FEM1C: variants seen among roughly 807,000 people sequenced by gnomAD.
The protein encoded by FEM1C is fem-1 homolog C.
Under a neutral mutation model 37.6 loss-of-function variants are expected in FEM1C, and 15 were observed. The ratio of observed to expected loss-of-function variants is 0.40; its 90% CI spans 0.27 to 0.61. The LOEUF is 0.61. Ranked by LOEUF, FEM1C falls within the 20% of genes least tolerant of loss-of-function variation. The pLI is 0.42. For missense variants in FEM1C, 532 were observed against 749.7 expected (o/e 0.71, Z 3.39); for synonymous variants, 287 against 272.8 (o/e 1.05, Z -0.51).
intron 2 of FEM1C, 42 bp downstream of exon 2, chr5:115,542,908 A>G (rs770855189): frequency 1.3e-5 from 20 of 1,570,346 alleles, no homozygotes; most frequent in Non-Finnish European, 1.6e-5. Flanking sequence ...CTTCCTGAAA[A>G]TAAGTGGTAG....
intron 2 of FEM1C, among the ~76,000 whole-genome samples, chr5:115,538,229 C>T (rs1218682647): frequency 1.3e-5 from 2 of 151,940 alleles, no homozygotes; most frequent in African/African-American, 4.8e-5. Context: ...AATAATCTGT[C>T]TGAACTAGTT....
At chr5:115,534,420 A>T (rs566665942) in intron 2 of FEM1C, among the ~76,000 whole-genome samples, 1 of 152,114 alleles carries the variant, frequency 6.6e-6, no homozygotes, top group Admixed American at 6.6e-5. Flanking sequence ...TTTGAGGAAG[A>T]ACTAGTTAGA....
chr5:115,532,208 T>A (rs1266389576), intron 2 of FEM1C, among the ~76,000 whole-genome samples: 1 of 152,098 alleles, frequency 6.6e-6, no homozygotes, highest in African/African-American at 2.4e-5. Context: ...TACACTAGTA[T>A]AATGCTACTG....
chr5:115,535,579 T>C (rs1372425390), intron 2 of FEM1C, among the ~76,000 whole-genome samples: 3 of 151,774 alleles, frequency 2.0e-5, no homozygotes, highest in Non-Finnish European at 4.4e-5. Context: ...AATGGCTATA[T>C]TAAAAAAGAA....
chr5:115,529,053 A>G (rs1463710987), intron 2 of FEM1C, among the ~76,000 whole-genome samples: 1 of 152,112 alleles, frequency 6.6e-6, no homozygotes, highest in Non-Finnish European at 1.5e-5. Context: ...TAAGAGAAAG[A>G]GGGAACAACG....
intron 2 of FEM1C, among the ~76,000 whole-genome samples, chr5:115,538,309 CT>C (rs1199598393): frequency 6.6e-6 from 1 of 151,982 alleles, no homozygotes; most frequent in Non-Finnish European, 1.5e-5. Context: ...TTCTGAACCC[CT>C]ATATTCTACC....
chr5:115,535,301 A>T (rs1443215977), intron 2 of FEM1C, among the ~76,000 whole-genome samples: 2 of 151,000 alleles, frequency 1.3e-5, no homozygotes, highest in African/African-American at 4.9e-5. Context: ...AAAAAAAACA[A>T]ACACAGAATG....
rs1281230652 is a variant in FEM1C at position 115,543,242 on chromosome 5, A to T, written c.252T>A (p.Ala84=). The part of the protein sequence containing the change: ...VNFDGETIEG[A]PPLWAASAAG... ...CTGCAGAAGCGGCCCATAAAGGGGG[A>T]GCCCCCTCAATGGTTTCGCCATCAA... Residue 84 remains alanine, a synonymous_variant, in exon 2 of 3, where the codon GCT becomes GCA. Coordinates refer to ENST00000274457, the MANE Select transcript of FEM1C (RefSeq NM_020177.3). 6.2e-7 allele frequency: 1 copy of T among 1,613,994 alleles called. No homozygotes were observed. The highest frequency in any genetic ancestry group is 1.3e-5 in the African/African-American group (1 of 74,894).
intron 1 of FEM1C, chr5:115,544,074 A>C: frequency 1.0e-6 from 1 of 985,436 alleles, no homozygotes; most frequent in South Asian, 4.7e-5. Context: ...AGAGCTGGCC[A>C]AGGGCGCCAG....
In FEM1C at chr5:115,521,681, A is replaced by G. The variant is rs1753779010; in HGVS notation, c.*2627T>C. 6.6e-6 allele frequency: 1 copy of G among 151,882 alleles called. No homozygotes were observed. Among genetic ancestry groups the G allele is most frequent in the Non-Finnish European group, 1.5e-5 (1 of 67,834 alleles). The allele number at this position is 151,882 out of a possible 1,614,324, so 9.4% of individuals were successfully genotyped here. On this transcript the variant is annotated 3_prime_UTR_variant, in exon 3 of 3. Transcript: ENST00000274457. ...TCAATAACACCGTGCTACAGTGTAC[A>G]GTTTAGTTAGACTCAAGAGTGTAAT...
intron 2 of FEM1C, among the ~76,000 whole-genome samples, chr5:115,538,814 A>G (rs1353125779): frequency 3.3e-5 from 5 of 151,844 alleles, no homozygotes; most frequent in Non-Finnish European, 7.4e-5. Context: ...TCCTTATGCC[A>G]TTTCCTAAAC....
intron 2 of FEM1C, among the ~76,000 whole-genome samples, chr5:115,532,373 T>C (rs1244422841): frequency 6.6e-6 from 1 of 152,132 alleles, no homozygotes. Flanking sequence ...ATCTTAGCTT[T>C]TGCAGACAAA....
intron 2 of FEM1C, among the ~76,000 whole-genome samples, chr5:115,535,170 C>T (rs1192972973): frequency 1.3e-5 from 2 of 151,532 alleles, no homozygotes; most frequent in Admixed American, 6.6e-5. Flanking sequence ...GCAGTCTATT[C>T]CTAACAATTT....
At position 115,525,086 on chromosome 5, in the gene FEM1C, T is replaced by C. The variant is rs1320352610; in HGVS notation, c.1076A>G (p.Asn359Ser). 6.2e-7 allele frequency: 1 copy of C among 1,613,786 alleles called. No homozygotes were observed. The highest frequency in any genetic ancestry group is 8.5e-7 in the Non-Finnish European group (1 of 1,179,826). ...ADSGNFKRCI[N>S]LWKYALDMQQ... ...CATATCCAAAGCATACTTCCATAGGTTGATGCATCGTTTGAAATTTCCAGA... is the reference window on the plus strand; with the variant it reads ...CATATCCAAAGCATACTTCCATAGGCTGATGCATCGTTTGAAATTTCCAGA... Residue 359 changes from asparagine (N) to serine (S), a missense_variant, in exon 3 of 3, where the codon AAC (asparagine) becomes AGC (serine). Around this residue, in one of 3 missense-constraint regions of FEM1C, gnomAD observed 221 missense variants for 404.1 expected, o/e 0.55. Coordinates refer to ENST00000274457, the MANE Select transcript of FEM1C (RefSeq NM_020177.3).
chr5:115,543,794 A>G (rs980815707), intron 1 of FEM1C, 111 bp from the exon 2 acceptor site: 49 of 1,137,768 alleles, frequency 4.3e-5, no homozygotes, highest in Non-Finnish European at 5.0e-5. Flanking sequence ...TACTTCAGGC[A>G]CTACTCCATC....
At chr5:115,535,843 A>G (rs2127172967) in intron 2 of FEM1C, among the ~76,000 whole-genome samples, 1 of 152,188 alleles carries the variant, frequency 6.6e-6, no homozygotes, top group African/African-American at 2.4e-5. Context: ...CTGCTGAATG[A>G]ATAAAAGTGA....
At chr5:115,542,688 G>T (rs1011112042) in intron 2 of FEM1C, among the ~76,000 whole-genome samples, 5 of 152,202 alleles carry the variant, frequency 3.3e-5, no homozygotes, top group African/African-American at 1.2e-4. Flanking sequence ...GTAACTCTGG[G>T]GAACCCATTT....
chr5:115,533,495 T>C (rs1754059336), intron 2 of FEM1C, among the ~76,000 whole-genome samples: 1 of 152,078 alleles, frequency 6.6e-6, no homozygotes, highest in African/African-American at 2.4e-5. Context: ...TAGTATGTAC[T>C]GTTACATGCC....
chr5:115,524,151 C>A lies in FEM1C; in HGVS notation c.*157G>T. On this transcript the variant is annotated 3_prime_UTR_variant, in exon 3 of 3. Coordinates refer to ENST00000274457, the MANE Select transcript of FEM1C (RefSeq NM_020177.3). ...TATATTTATATTAAATATTGGGAAA[C>A]CAATGTTGTAAATTTGATGCTTATA... 1.7e-6 allele frequency: 1 copy of A among 594,116 alleles called. No homozygotes were observed. The highest frequency in any genetic ancestry group is 2.3e-5 in the South Asian group (1 of 43,492). 36.8% of individuals were successfully genotyped at this position (594,116 alleles called of 1,614,324 possible).
Sources: gnomAD v4.1 joint callset for allele counts (sites outside exome capture counted in the v4.1 genomes callset) on GRCh38, gnomAD v4.1.1 for gene constraint, gnomAD v4.1.1 regional missense constraint, MANE v1.5 for transcripts, NCBI Gene and HGNC (gene_info 2026-07-23, HGNC 2026-07-21) for gene names.